The following ERICH1 variants were observed in gnomAD, a reference collection of about 807,000 sequenced individuals.
The protein encoded by ERICH1 is glutamate rich 1, also known as glutamate-rich protein 1.
Under a neutral mutation model 39.6 loss-of-function variants are expected in ERICH1, and 56 were observed. The ratio of observed to expected loss-of-function variants is 1.41; its 90% CI spans 1.14 to 1.77. The LOEUF is 1.77. Among genes scored for constraint, ERICH1 ranks in the 40% most tolerant of loss-of-function variants. The probability of loss-of-function intolerance (pLI) is 0.00; values close to 1 mark genes in which losing one functional copy is unlikely to be tolerated. For synonymous variants in ERICH1, 313 were observed against 223.6 expected (o/e 1.40, Z -3.57); for missense variants, 826 against 575.4 (o/e 1.44, Z -4.45).
At chr8:730,986 G>A (rs369499325) in intron 1 of ERICH1, among the ~76,000 whole-genome samples, 154 bp downstream of exon 1, 2 of 152,124 alleles carry the variant, frequency 1.3e-5, no homozygotes, top group African/African-American at 2.4e-5. Flanking sequence ...TAAGAGCGGG[G>A]GATGGGTAGG....
intron 5 of ERICH1, 30 bp from the exon 6 acceptor site, chr8:664,706 TA>T: frequency 6.4e-7 from 1 of 1,553,576 alleles, no homozygotes; most frequent in Non-Finnish European, 8.8e-7. Context: ...AAACAAAAAA[TA>T]AAACAAAGAC....
At chr8:629,156 C>G (rs184099135) in intron 3 of ERICH1, among the ~76,000 whole-genome samples, 120 of 152,286 alleles carry the variant, frequency 7.9e-4, no homozygotes, top group African/African-American at 2.1e-3. Context: ...AAACTGAGCA[C>G]ACGTGATCAT....
intron 2 of ERICH1, among the ~76,000 whole-genome samples, chr8:700,328 CCCGCACACGCGCACAGAT>C (rs1412550446): frequency 0.055 from 5,179 of 93,704 alleles, 1,676 homozygotes; most frequent in Non-Finnish European, 0.1. Context: ...CGCGCACAGG[CCCGCACACGCGCACAGAT>C]CCGCACACGC....
chr8:700,596 G>A (rs1004306992), intron 2 of ERICH1, among the ~76,000 whole-genome samples: 1 of 150,166 alleles, frequency 6.7e-6, no homozygotes, highest in African/African-American at 2.4e-5. Context: ...ACATGCACAC[G>A]CCTGACAGCT....
chr8:629,872 G>T (rs1797869034), intron 3 of ERICH1, among the ~76,000 whole-genome samples: 1 of 124,838 alleles, frequency 8.0e-6, no homozygotes, highest in African/African-American at 3.5e-5. Context: ...AGACAGAGCT[G>T]ACTCACACCC....
intron 3 of ERICH1, among the ~76,000 whole-genome samples, chr8:652,346 A>G (rs959334367): frequency 1.6e-4 from 25 of 152,348 alleles, no homozygotes; most frequent in East Asian, 3.9e-4. Flanking sequence ...CAGTGGACAG[A>G]GATAAATGAG....
intron 2 of ERICH1, among the ~76,000 whole-genome samples, chr8:699,719 GCA>G (rs1425804291): frequency 6.9e-6 from 1 of 145,910 alleles, no homozygotes; most frequent in African/African-American, 2.7e-5. Context: ...CCGCACACGT[GCA>G]CAGACTCACA....
chr8:727,493 G>A (rs1251968310), intron 1 of ERICH1, among the ~76,000 whole-genome samples: 5 of 152,236 alleles, frequency 3.3e-5, no homozygotes, highest in Non-Finnish European at 7.3e-5. Flanking sequence ...CATCTGAGGA[G>A]TCTCAGGAAG....
chr8:694,907 T>C (rs573644307), intron 2 of ERICH1, among the ~76,000 whole-genome samples: 51 of 152,174 alleles, frequency 3.4e-4, no homozygotes, highest in African/African-American at 1.2e-3. Flanking sequence ...GCAGCGTCTG[T>C]GAGCACAGCT....
intron 1 of ERICH1, among the ~76,000 whole-genome samples, chr8:722,996 T>G (rs56136177): frequency 1.3e-5 from 2 of 152,136 alleles, no homozygotes; most frequent in East Asian, 1.9e-4. Flanking sequence ...CATGGTGACA[T>G]GTGAGCTCCA....
chr8:618,620 G>T (rs538342544), intron 3 of ERICH1, among the ~76,000 whole-genome samples: 2 of 152,332 alleles, frequency 1.3e-5, no homozygotes, highest in South Asian at 4.1e-4. Context: ...TCAGGCCTCA[G>T]CTGTGAAATG....
chr8:718,439 T>C (rs967999708), intron 1 of ERICH1, among the ~76,000 whole-genome samples: 1 of 152,240 alleles, frequency 6.6e-6, no homozygotes, highest in South Asian at 2.1e-4. Flanking sequence ...ATTACATTTA[T>C]AGCCTAATTA....
chr8:687,892 G>T (rs1265283319), intron 3 of ERICH1, among the ~76,000 whole-genome samples: 1 of 152,076 alleles, frequency 6.6e-6, no homozygotes, highest in Non-Finnish European at 1.5e-5. Context: ...GCAGGCCTCC[G>T]AGGCTTCCAG....
At chr8:721,164 T>C (rs1013607237) in intron 1 of ERICH1, among the ~76,000 whole-genome samples, 2 of 152,240 alleles carry the variant, frequency 1.3e-5, no homozygotes, top group Non-Finnish European at 2.9e-5. Flanking sequence ...CTCAGTTTAA[T>C]ACAAATATCC....
intron 3 of ERICH1, among the ~76,000 whole-genome samples, chr8:634,115 C>G (rs1319622995): frequency 1.5e-5 from 2 of 137,796 alleles, no homozygotes. Flanking sequence ...ATTTACAAAT[C>G]ATGCATCTAG....
In ERICH1 at chr8:668,739, G is replaced by A. The variant is rs1338066362; in HGVS notation, c.1117C>T (p.Leu373=). ...ATGCTGTGTGACGCAAGGCGGTCCAGCAGCTCCTCAGCGGCATCTGCGAGG... is the reference window on the plus strand; with the variant it reads ...ATGCTGTGTGACGCAAGGCGGTCCAACAGCTCCTCAGCGGCATCTGCGAGG... ...AALADAAEEL[L]DRLASHSMLP... is the part of the protein sequence containing the mutation. Residue 373 remains leucine (L), a synonymous_variant, in exon 5 of 6, where the codon CTG becomes TTG. Coordinates refer to ENST00000262109, the MANE Select transcript of ERICH1 (RefSeq NM_207332.3). 1.9e-6 allele frequency: 3 copies of A among 1,613,638 alleles called. No individual in the cohort carries two copies. The African/African-American group carries it at 4.0e-5, about 22-fold the overall frequency.
At chr8:663,025 G>C (rs1444898353), downstream of ERICH1, among the ~76,000 whole-genome samples, 6 of 152,264 alleles carry the variant, frequency 3.9e-5, no homozygotes, top group African/African-American at 1.4e-4. Context: ...GTGACGCTGG[G>C]AAGAGTGGCG....
chr8:643,533 C>T (rs1242451874), intron 3 of ERICH1, among the ~76,000 whole-genome samples: 1 of 152,220 alleles, frequency 6.6e-6, no homozygotes, highest in Non-Finnish European at 1.5e-5. Context: ...GAAGCCCCGC[C>T]CCTCCTGCCC....
downstream of ERICH1, among the ~76,000 whole-genome samples, chr8:663,217 AG>A (rs1801693529): frequency 1.3e-5 from 2 of 152,236 alleles, no homozygotes; most frequent in Non-Finnish European, 2.9e-5. Context: ...GTGGCAGGAC[AG>A]GGGCCGGCGG....
Sources: allele counts gnomAD v4.1 joint callset (sites outside exome capture counted in the v4.1 genomes callset), GRCh38; gene constraint gnomAD v4.1.1; transcripts MANE v1.5; gene names NCBI Gene and HGNC (gene_info 2026-07-23, HGNC 2026-07-21).